Variants in G6PC1 observed in about 807,000 individuals in gnomAD.
G6PC1 encodes the protein glucose-6-phosphatase catalytic subunit 1.
In G6PC1, 23 loss-of-function variants were observed where a neutral mutation model predicts 30.4. The ratio of observed to expected loss-of-function variants is 0.76; its 90% CI spans 0.55 to 1.07. The LOEUF (loss-of-function observed/expected upper bound fraction) is 1.07, where lower values mean the gene tolerates loss of function less well. Ranked by LOEUF, G6PC1 falls within the 50% of genes least tolerant of loss-of-function variation. G6PC1 has a pLI of 0.00. For synonymous variants in G6PC1, 163 were observed against 175.6 expected, an observed-to-expected ratio of 0.93 and a Z score of 0.57; for missense variants, 391 against 433.9, an observed-to-expected ratio of 0.90 and a Z score of 0.88.
chr17:42,903,470 T>C (rs2056039718), intron 1 of G6PC1, among the ~76,000 whole-genome samples: 1 of 151,604 alleles, frequency 6.6e-6, no homozygotes, highest in Admixed American at 6.6e-5. Flanking sequence ...TCCCAGCACT[T>C]TGGGAGGCTG....
rs115371163 is a variant in G6PC1 at position 42,901,493 on chromosome 17, G to A, written c.230+387G>A. 6.5e-3 allele frequency among the ~76,000 whole-genome samples: 987 copies of A among 152,190 alleles called. 14 individuals are homozygous for A. The highest frequency in any genetic ancestry group is 0.023 in the African/African-American group (935 of 41,518). On this transcript the variant is annotated intron_variant, in intron 1 of 4. Transcript: ENST00000253801. ...AGCACTTTGGGAGGCCGAGGTGGGC[G>A]AATCACTCCTGGGTGAACTCAGGAG...
At position 42,912,795 on chromosome 17, in the gene G6PC1, CTTTTCTTTTT is replaced by C. The variant is rs2056104439; in HGVS notation, c.*1382_*1391del. 6.6e-6 allele frequency: 1 copy of C among 151,808 alleles called. No homozygotes were observed. Among genetic ancestry groups the C allele is most frequent in the Non-Finnish European group, 1.5e-5 (1 of 68,070 alleles). 9.4% of individuals were successfully genotyped at this position (151,808 alleles called of 1,614,324 possible). ...CAGCTAGCCAACTCCTCCTTGCCTG[CTTTTCTTTTT>C]TTTTCTTTTTTTGAGACGGCGCACC... On this transcript the variant is annotated 3_prime_UTR_variant, in exon 5 of 5. Coordinates refer to ENST00000253801, the MANE Select transcript of G6PC1 (RefSeq NM_000151.4).
intron 1 of G6PC1, among the ~76,000 whole-genome samples, chr17:42,902,664 T>C (rs538700604): frequency 5.9e-5 from 9 of 152,338 alleles, no homozygotes; most frequent in African/African-American, 2.2e-4. Context: ...CTCCCTGATT[T>C]CGGTGAGAAA....
At chr17:42,906,831 G>T (rs2056064923) in intron 2 of G6PC1, among the ~76,000 whole-genome samples, 1 of 152,116 alleles carries the variant, frequency 6.6e-6, no homozygotes, top group African/African-American at 2.4e-5. Flanking sequence ...AGTGAGCTAT[G>T]ATCATGGCAC....
At chr17:42,903,478 C>T (rs2056039787) in intron 1 of G6PC1, among the ~76,000 whole-genome samples, 1 of 151,640 alleles carries the variant, frequency 6.6e-6, no homozygotes. Flanking sequence ...CTTTGGGAGG[C>T]TGAGGTGGGA....
chr17:42,902,414 AT>A (rs539331816), intron 1 of G6PC1, among the ~76,000 whole-genome samples: 1 of 151,612 alleles, frequency 6.6e-6, no homozygotes, highest in African/African-American at 2.4e-5. Context: ...TGCCCAGCTA[AT>A]TTTTTTTGTA....
At chr17:42,910,008 C>A (rs12103792) in intron 4 of G6PC1, among the ~76,000 whole-genome samples, 18,032 of 151,804 alleles carry the variant, frequency 0.12, 1,961 homozygotes, top group African/African-American at 0.29. Flanking sequence ...GGACTACAGG[C>A]GCCCGCCACC....
chr17:42,905,163 C>T (rs949081380), intron 2 of G6PC1, among the ~76,000 whole-genome samples: 2 of 140,350 alleles, frequency 1.4e-5, no homozygotes, highest in African/African-American at 2.7e-5. Context: ...CGGTGGCTCA[C>T]CCTGTAATCC....
In G6PC1 at chr17:42,911,658, A is replaced by G. The variant is rs2151932532; in HGVS notation, c.*232A>G. 3.4e-6 allele frequency: 2 copies of G among 591,924 alleles called. No homozygotes were observed. Among genetic ancestry groups the G allele is most frequent in the East Asian group, 6.0e-5 (2 of 33,552 alleles). 36.7% of individuals were successfully genotyped at this position (591,924 alleles called of 1,614,324 possible). Reference sequence around the variant, plus strand: ...CAGATGGAGGTGCCATATCACGTACACCATATGCAAGTTTCCCGCCAGGAG... The same window carrying G: ...CAGATGGAGGTGCCATATCACGTACGCCATATGCAAGTTTCCCGCCAGGAG... On this transcript the variant is annotated 3_prime_UTR_variant, in exon 5 of 5. Coordinates refer to ENST00000253801, the MANE Select transcript of G6PC1 (RefSeq NM_000151.4).
intron 2 of G6PC1, among the ~76,000 whole-genome samples, chr17:42,905,004 T>A (rs1243977913): frequency 6.6e-6 from 1 of 151,680 alleles, no homozygotes; most frequent in Non-Finnish European, 1.5e-5. Flanking sequence ...CTCAGCTACC[T>A]GGGAGGCTGA....
chr17:42,910,310 G>T (rs2056087478), intron 4 of G6PC1, among the ~76,000 whole-genome samples: 1 of 152,198 alleles, frequency 6.6e-6, no homozygotes. Context: ...AGCATTCAAA[G>T]AAGAATGTTG....
At chr17:42,907,760 G>A in intron 3 of G6PC1, 132 bp downstream of exon 3, 1 of 703,742 alleles carries the variant, frequency 1.4e-6, no homozygotes, top group East Asian at 2.7e-5. Context: ...ATTAAGAGTT[G>A]TGGCACTTTG....
chr17:42,901,057 C>T lies in G6PC1; in HGVS notation c.181C>T (p.Leu61Phe). 1.9e-6 allele frequency: 3 copies of T among 1,614,184 alleles called. No individual in the cohort carries two copies. Among genetic ancestry groups the T allele is most frequent in the Non-Finnish European group, 2.5e-6 (3 of 1,180,034 alleles). The change falls in exon 1 of 5, where the codon CTC becomes TTC. Residue 61 changes from leucine (L) to phenylalanine (F), a missense_variant. Transcript: ENST00000253801. ...FHLQEAVGIK[L>F]LWVAVIGDWL... ...TCTTCAGGAAGCTGTGGGCATTAAA[C>T]TCCTTTGGGTAGCTGTGATTGGAGA...
chr17:42,903,939 T>A lies in G6PC1; in HGVS notation c.239T>A (p.Phe80Tyr). ...GTTCTGTTTTTCCATAGGATTCTCTTTGGACAGCGTCCATACTGGTGGGTT... is the reference window on the plus strand; with the variant it reads ...GTTCTGTTTTTCCATAGGATTCTCTATGGACAGCGTCCATACTGGTGGGTT... Reference protein sequence around the residue: ...WLNLVFKWILFGQRPYWWVLD... With the variant: ...WLNLVFKWILYGQRPYWWVLD... The change falls in exon 2 of 5, where the codon TTT (phenylalanine) becomes TAT (tyrosine). Residue 80 changes from phenylalanine to tyrosine, a missense_variant. Physicochemically the swap from Phe to Tyr is conservative, Grantham distance 22. Coordinates refer to ENST00000253801, the MANE Select transcript of G6PC1 (RefSeq NM_000151.4). 1.9e-6 allele frequency: 3 copies of A among 1,610,558 alleles called. No homozygotes were observed. The highest frequency in any genetic ancestry group is 2.5e-6 in the Non-Finnish European group (3 of 1,176,754).
At chr17:42,904,364 G>T (rs2056045879) in intron 2 of G6PC1, 3 of 383,706 alleles carry the variant, frequency 7.8e-6, no homozygotes, top group East Asian at 1.3e-4. Context: ...CTTCCCAATG[G>T]CCTGGCCCAC....
chr17:42,908,408 A>ATTTT (rs549810511), intron 3 of G6PC1, among the ~76,000 whole-genome samples: 1 of 133,584 alleles, frequency 7.5e-6, no homozygotes. Flanking sequence ...TGCCACAGGC[A>ATTTT]TTTTTTTTTT....
At position 42,901,114 on chromosome 17, in the gene G6PC1, C is replaced by T. The variant is rs1373918170; in HGVS notation, c.230+8C>T. Reference sequence around the variant, plus strand: ...CAACCTCGTCTTTAAGTGGTAAGAACCATATAGAGAGGAGATCAGCAAGAA... The same window carrying T: ...CAACCTCGTCTTTAAGTGGTAAGAATCATATAGAGAGGAGATCAGCAAGAA... On this transcript the variant is annotated splice_region_variant and intron_variant, in intron 1 of 4. Coordinates refer to ENST00000253801, the MANE Select transcript of G6PC1 (RefSeq NM_000151.4). The T allele has an allele frequency of 1.9e-6, 3 of 1,604,900 alleles. No homozygotes were observed. The African/African-American group carries it at 4.0e-5, about 21-fold the overall frequency.
Position 42,901,075 on chromosome 17 carries a change from A to T in G6PC1, c.199A>T (p.Ile67Phe). The T allele has an allele frequency of 6.2e-7, 1 of 1,614,166 alleles. No homozygotes were observed. Among genetic ancestry groups the T allele is most frequent in the Non-Finnish European group, 8.5e-7 (1 of 1,180,008 alleles). Residue 67 changes from isoleucine (I) to phenylalanine (F), a missense_variant, in exon 1 of 5, where the codon ATT becomes TTT. Transcript: ENST00000253801. Reference protein sequence around the residue: ...VGIKLLWVAVIGDWLNLVFKW... With the variant: ...VGIKLLWVAVFGDWLNLVFKW... ...CATTAAACTCCTTTGGGTAGCTGTG[A>T]TTGGAGACTGGCTCAACCTCGTCTT... is the stretch of plus-strand genomic sequence containing the variant.
At chr17:42,910,884 A>T in intron 4 of G6PC1, 31 bp from the exon 5 acceptor site, 2 of 1,612,194 alleles carry the variant, frequency 1.2e-6, no homozygotes, top group Non-Finnish European at 1.7e-6. Flanking sequence ...AATCCTTCCT[A>T]TCTCTCACAG....
Sources: allele counts gnomAD v4.1 joint callset (sites outside exome capture counted in the v4.1 genomes callset), GRCh38; gene constraint gnomAD v4.1.1; transcripts MANE v1.5; gene names NCBI Gene and HGNC (gene_info 2026-07-23, HGNC 2026-07-21).